The following MBD3 variants were observed in gnomAD, a reference collection of about 807,000 sequenced individuals.
MBD3 encodes the protein methyl-CpG-binding domain protein 3.
In MBD3, 13 loss-of-function variants were observed where a neutral mutation model predicts 31.2. The observed-to-expected ratio is 0.42, with a 90% CI of 0.27 to 0.66. MBD3 has a LOEUF of 0.66. Ranked by LOEUF, MBD3 falls within the 30% of genes least tolerant of loss-of-function variation. MBD3 has a pLI of 0.26. For synonymous variants in MBD3, 223 were observed against 187.4 expected (o/e 1.19, Z -1.55); for missense variants, 440 against 426.5 (o/e 1.03, Z -0.28).
chr19:1,584,761 C>T, intron 2 of MBD3, 84 bp from the exon 3 acceptor site: 2 of 1,423,394 alleles, frequency 1.4e-6, no homozygotes, highest in South Asian at 2.5e-5. Context: ...GGGTGACCCC[C>T]TGCTTTGCCG....
intron 3 of MBD3, chr19:1,583,457 G>A (rs953389380): frequency 2.6e-5 from 4 of 151,516 alleles, no homozygotes; most frequent in Non-Finnish European, 5.9e-5. Context: ...TAAGAAGTAG[G>A]TTACACAGTC....
At chr19:1,582,955 G>A (rs1207345019) in intron 3 of MBD3, among the ~76,000 whole-genome samples, 2 of 152,130 alleles carry the variant, frequency 1.3e-5, no homozygotes, top group East Asian at 3.9e-4. Flanking sequence ...TGTAATCCCA[G>A]CACTTTAGGA....
intron 1 of MBD3, among the ~76,000 whole-genome samples, chr19:1,589,982 G>A (rs1182467486): frequency 1.3e-5 from 2 of 152,158 alleles, no homozygotes; most frequent in South Asian, 4.1e-4. Context: ...ATTAGATAGC[G>A]GTGATGGTTG....
chr19:1,591,020 C>T (rs1451339145), intron 1 of MBD3, among the ~76,000 whole-genome samples: 5 of 152,230 alleles, frequency 3.3e-5, no homozygotes, highest in Admixed American at 2.6e-4. Context: ...GGGGTGATGA[C>T]AGCCTCAGGA....
intron 2 of MBD3, 151 bp downstream of exon 2, chr19:1,584,904 C>T (rs2060671048): frequency 1.6e-5 from 20 of 1,226,912 alleles, no homozygotes; most frequent in Admixed American, 2.1e-5. Flanking sequence ...GCTCTGCACC[C>T]TGTGGCCTGC....
chr19:1,586,853 G>A (rs1279751630), intron 1 of MBD3, among the ~76,000 whole-genome samples: 2 of 151,714 alleles, frequency 1.3e-5, no homozygotes, highest in African/African-American at 2.4e-5. Context: ...TTTTAGTAGA[G>A]ACCAGGTTTC....
Position 1,578,977 on chromosome 19 carries a change from C to T in MBD3, c.678-439G>A, listed in dbSNP as rs1035475205. The stretch of plus-strand genomic sequence containing the variant: ...GGTGGGCAGATCACTTGAGGTCAGG[C>T]GTTCGAGACCAGCCTGACCAACATG... On this transcript the variant is annotated intron_variant, in intron 5 of 6. Transcript: ENST00000434436. This position sits in a 1 kb window ranked among gnomAD's most constrained non-coding sequence, Gnocchi z 6.1. Among the ~76,000 whole-genome samples the T allele has an allele frequency of 6.6e-6, 1 of 151,842 alleles. No individual in the cohort carries two copies. The highest frequency in any genetic ancestry group is 1.5e-5 in the Non-Finnish European group (1 of 67,938).
intron 1 of MBD3, among the ~76,000 whole-genome samples, chr19:1,587,459 G>A (rs1137915): frequency 0.16 from 24,312 of 151,496 alleles, 2,152 homozygotes; most frequent in Non-Finnish European, 0.2. Flanking sequence ...GTGTCGCCCA[G>A]GCTGGAGTGC....
rs772052946 is a variant in MBD3, at chr19:1,578,397, TTCCTCGTCGTCG to T, written c.807_818del (p.Asp269_Glu272del). 15 of 1,603,960 alleles carry T rather than the reference TTCCTCGTCGTCG, an allele frequency of 9.4e-6. No individual in the cohort carries two copies. Among genetic ancestry groups the T allele is most frequent in the African/African-American group, 9.3e-5 (7 of 74,910 alleles). On this transcript the variant is annotated inframe_deletion, in exon 6 of 7. Coordinates refer to ENST00000434436, the MANE Select transcript of MBD3 (RefSeq NM_001281453.2). The surrounding 1 kb of genome is among the most constrained non-coding windows in gnomAD (Gnocchi z 6.1). ...GCTCCTCCTCCTCCTCCTCCTCGTC[TTCCTCGTCGTCG>T]TCCTCAGCGCAGGCCTTGTCCAGCG...
chr19:1,580,163 C>T (rs903129287), intron 5 of MBD3, among the ~76,000 whole-genome samples: 5 of 152,200 alleles, frequency 3.3e-5, no homozygotes, highest in African/African-American at 9.6e-5. Context: ...ATCTTCATTT[C>T]GGGAAGTTCT....
In MBD3 at chr19:1,581,260, G is replaced by A; in HGVS notation, c.509C>T (p.Pro170Leu). The change falls in exon 5 of 7, where the codon CCT becomes CTT. Residue 170 changes from proline (P) to leucine (L), a missense_variant. By Grantham distance (98) the Pro-to-Leu change is moderately conservative. This residue lies in a region of MBD3 where 144 missense variants were observed against 196.9 expected (regional missense o/e 0.73). Coordinates refer to ENST00000434436, the MANE Select transcript of MBD3 (RefSeq NM_001281453.2). ...DLPKGLQGVG[P>L]GCTDETLLSA... The stretch of plus-strand genomic sequence containing the variant: ...CAGCAGCGTCTCATCCGTGCAGCCA[G>A]GTCCCACCCCTGCCAGGCAGTGGAC... 6.2e-7 allele frequency: 1 copy of A among 1,608,438 alleles called. No individual in the cohort carries two copies. The highest frequency in any genetic ancestry group is 8.5e-7 in the Non-Finnish European group (1 of 1,179,904).
At position 1,577,273 on chromosome 19, in the gene MBD3, C is replaced by T. The variant is rs1917221644; in HGVS notation, c.*891G>A. On this transcript the variant is annotated 3_prime_UTR_variant, in exon 7 of 7. Coordinates refer to ENST00000434436, the MANE Select transcript of MBD3 (RefSeq NM_001281453.2). ...GCACTGGGGGGTTAAGGAGCAGATC[C>T]CTCAGACGGCCTTGGGCCAGAAGCT... 2 of 152,292 alleles carry T rather than the reference C, an allele frequency of 1.3e-5. No individual in the cohort carries two copies. Among genetic ancestry groups the T allele is most frequent in the Admixed American group, 6.5e-5 (1 of 15,288 alleles). The allele number at this position is 152,292 out of a possible 1,614,324, so 9.4% of individuals were successfully genotyped here. A position where few individuals can be genotyped will look rare whatever the true frequency, so the allele number is the denominator to read the frequency against.
chr19:1,592,761 G>T lies in MBD3; in HGVS notation c.-130C>A. On this transcript the variant is annotated 5_prime_UTR_variant, in exon 1 of 7. Transcript: ENST00000434436. ...TTGCCGCGGCTGTTCCGGCCCGCGG[G>T]CCCCCGCCCTCCGCCCCCAGCCGGG... The T allele has an allele frequency of 5.7e-6, 1 of 174,574 alleles. No homozygotes were observed. Among genetic ancestry groups the T allele is most frequent in the Non-Finnish European group, 1.1e-5 (1 of 91,126 alleles). 10.8% of individuals were successfully genotyped at this position (174,574 alleles called of 1,614,324 possible).
rs1300417893 is a variant in MBD3 at position 1,575,980 on chromosome 19, A to T, written c.*2184T>A. On this transcript the variant is annotated 3_prime_UTR_variant, in exon 7 of 7. Coordinates refer to ENST00000434436, the MANE Select transcript of MBD3 (RefSeq NM_001281453.2). The stretch of plus-strand genomic sequence containing the variant: ...CAGTGACAGGAAGCTGGGCTGCGAC[A>T]GAGAGGGAGAGACAGCAAGAGACAG... 1 of 152,214 alleles carries T rather than the reference A, an allele frequency of 6.6e-6. No individual in the cohort carries two copies. Among genetic ancestry groups the T allele is most frequent in the Non-Finnish European group, 1.5e-5 (1 of 68,200 alleles). The allele number at this position is 152,214 out of a possible 1,614,324, so 9.4% of individuals were successfully genotyped here.
At chr19:1,584,709 G>T in intron 2 of MBD3, 32 bp from the exon 3 acceptor site, 6 of 1,601,148 alleles carry the variant, frequency 3.7e-6, no homozygotes, top group Non-Finnish European at 5.1e-6. Flanking sequence ...GTCCGGCCTG[G>T]GGGCGCCCCG....
Position 1,582,624 on chromosome 19 carries a change from T to A in MBD3, c.497A>T (p.Gln166Leu), listed in dbSNP as rs1458238476. The A allele has an allele frequency of 6.2e-7, 1 of 1,613,696 alleles. No individual in the cohort carries two copies. The highest frequency in any genetic ancestry group is 1.7e-5 in the Admixed American group (1 of 60,006). The change falls in exon 4 of 7, where the codon CAG (glutamine) becomes CTG (leucine). Residue 166 changes from glutamine to leucine, a missense_variant and splice_region_variant. Physicochemically the swap from Gln to Leu is moderately radical, Grantham distance 113. Transcript: ENST00000434436. ...CTCCCCTCAGGGTGCCCGCTCACCCTGCAGGCCCTTGGGGAGGTCCATGGT... is the reference window on the plus strand; with the variant it reads ...CTCCCCTCAGGGTGCCCGCTCACCCAGCAGGCCCTTGGGGAGGTCCATGGT... Reference protein sequence around the residue: ...VKTMDLPKGLQGVGPGCTDET... With the variant: ...VKTMDLPKGLLGVGPGCTDET...
Position 1,578,854 on chromosome 19 carries a change from T to C in MBD3, c.678-316A>G, listed in dbSNP as rs2145592018. Among the ~76,000 whole-genome samples, 1 of 152,228 alleles carries C rather than the reference T, an allele frequency of 6.6e-6. No homozygotes were observed. Among genetic ancestry groups the C allele is most frequent in the East Asian group, 1.9e-4 (1 of 5,156 alleles). On this transcript the variant is annotated intron_variant, in intron 5 of 6. Coordinates refer to ENST00000434436, the MANE Select transcript of MBD3 (RefSeq NM_001281453.2). This position sits in a 1 kb window ranked among gnomAD's most constrained non-coding sequence, Gnocchi z 6.1. ...CCCCGGGGCTCAGCTGTGTAAACCCTTGCTCCTGTCCCTTGACAGGCACTG... is the reference window on the plus strand; with the variant it reads ...CCCCGGGGCTCAGCTGTGTAAACCCCTGCTCCTGTCCCTTGACAGGCACTG...
intron 1 of MBD3, among the ~76,000 whole-genome samples, chr19:1,590,617 A>C (rs1163008264): frequency 6.6e-6 from 1 of 152,222 alleles, no homozygotes; most frequent in Non-Finnish European, 1.5e-5. Flanking sequence ...TCAAAGAAAA[A>C]AAACAAAAAA....
At chr19:1,589,608 G>A (rs547323717) in intron 1 of MBD3, among the ~76,000 whole-genome samples, 8 of 152,286 alleles carry the variant, frequency 5.3e-5, no homozygotes, top group East Asian at 1.9e-4. Context: ...AGCCGAGATT[G>A]CACCACTGCA....
Sources: gnomAD v4.1 joint callset for allele counts (sites outside exome capture counted in the v4.1 genomes callset) on GRCh38, gnomAD v4.1.1 for gene constraint, gnomAD v4.1.1 regional missense constraint, Gnocchi (gnomAD v3.1) non-coding constraint, MANE v1.5 for transcripts, NCBI Gene and HGNC (gene_info 2026-07-23, HGNC 2026-07-21) for gene names.